Variants in EIF2D observed in about 807,000 individuals in gnomAD.
EIF2D encodes the protein hepatocellular carcinoma-associated antigen 56.
EIF2D carries 56 observed loss-of-function variants against 77.4 expected under a neutral mutation model. That is an observed-to-expected ratio of 0.72 (90% CI 0.58 to 0.90). The LOEUF is 0.90. Among genes scored for constraint, EIF2D ranks in the 40% least tolerant of loss-of-function variants. The pLI is 0.00. For synonymous variants in EIF2D, 230 were observed against 271.0 expected, an observed-to-expected ratio of 0.85 and a Z score of 1.49; for missense variants, 574 against 706.5, an observed-to-expected ratio of 0.81 and a Z score of 2.13.
intron 5 of EIF2D, chr1:206,605,149 C>T: frequency 8.5e-6 from 3 of 353,178 alleles, no homozygotes; most frequent in Non-Finnish European, 1.6e-5. Context: ...AGAGGCAGAG[C>T]AGATGATCCC....
intron 2 of EIF2D, among the ~76,000 whole-genome samples, chr1:206,582,729 C>T (rs782151942): frequency 2.0e-5 from 3 of 152,198 alleles, no homozygotes; most frequent in Non-Finnish European, 4.4e-5. Context: ...GGACTGGTCT[C>T]TATGTGTCCT....
intron 12 of EIF2D, 120 bp from the exon 13 acceptor site, chr1:206,595,958 C>A: frequency 7.5e-7 from 1 of 1,331,578 alleles, no homozygotes; most frequent in Non-Finnish European, 1.0e-6. Flanking sequence ...CTTGGCTGCA[C>A]ATTAGAATCA....
Position 206,599,636 on chromosome 1 carries a change from A to T in EIF2D, c.1053-24T>A, listed in dbSNP as rs1669823191. 4 of 1,601,474 alleles carry T rather than the reference A, an allele frequency of 2.5e-6. No individual in the cohort carries two copies. Among genetic ancestry groups the T allele is most frequent in the Non-Finnish European group, 3.4e-6 (4 of 1,174,118 alleles). The stretch of plus-strand genomic sequence containing the variant: ...TCCTAAAACCCAGCAGAAGGAAAGA[A>T]AAAACACATTTTATACTAGCATCTC... On this transcript the variant is annotated intron_variant, in intron 9 of 14. Coordinates refer to ENST00000271764, the MANE Select transcript of EIF2D (RefSeq NM_006893.3). The surrounding 1 kb of genome is among the most constrained non-coding windows in gnomAD (Gnocchi z 4.1).
At chr1:206,569,609 T>C (rs1369610077), downstream of EIF2D, among the ~76,000 whole-genome samples, 1 of 152,206 alleles carries the variant, frequency 6.6e-6, no homozygotes, top group Non-Finnish European at 1.5e-5. Flanking sequence ...CATCTCAAAT[T>C]ATGTCAAAGT....
At position 206,584,666 on chromosome 1, in the gene EIF2D, A is replaced by G; in HGVS notation, c.139-3504T>C. On this transcript the variant is annotated intron_variant and NMD_transcript_variant, in intron 2 of 5. Coordinates refer to the EIF2D transcript ENST00000472709. The surrounding 1 kb of genome is among the most constrained non-coding windows in gnomAD (Gnocchi z 4.9). ...CCAGAAGTTTGCACTTTTTAAGCGG[A>G]TACACAAGGACGGACAAGGTAGGAG... is the stretch of plus-strand genomic sequence containing the variant. 1 of 1,614,214 alleles carries G rather than the reference A, an allele frequency of 6.2e-7. No homozygotes were observed. Among genetic ancestry groups the G allele is most frequent in the Non-Finnish European group, 8.5e-7 (1 of 1,180,038 alleles).
chr1:206,590,724 C>T (rs148257779), downstream of EIF2D, among the ~76,000 whole-genome samples: 30 of 152,260 alleles, frequency 2.0e-4, no homozygotes, highest in African/African-American at 6.3e-4. Context: ...AAGCCTCAAA[C>T]GGGCAATTTG....
intron 1 of EIF2D, 36 bp from the exon 2 acceptor site, chr1:206,611,410 G>T: frequency 6.4e-7 from 1 of 1,553,008 alleles, no homozygotes; most frequent in South Asian, 1.2e-5. Context: ...AATGCTGCCT[G>T]GACAGACTTT....
downstream of EIF2D, chr1:206,589,414 C>T (rs1669270428): frequency 6.6e-6 from 1 of 152,370 alleles, no homozygotes; most frequent in Non-Finnish European, 1.5e-5. Context: ...GAAATGAAGG[C>T]TACTGTTCAA....
chr1:206,573,203 G>A (rs982898830), intron 4 of EIF2D, among the ~76,000 whole-genome samples: 5 of 152,198 alleles, frequency 3.3e-5, no homozygotes, highest in African/African-American at 9.7e-5. Context: ...GCTCATGCCT[G>A]TAATCCCAGC....
At chr1:206,576,978 A>T (rs1338042823) in intron 4 of EIF2D, among the ~76,000 whole-genome samples, 2 of 145,270 alleles carry the variant, frequency 1.4e-5, no homozygotes, top group East Asian at 4.0e-4. Flanking sequence ...TAATTTTTGT[A>T]TTTTTTTTTT....
At position 206,579,522 on chromosome 1, in the gene EIF2D, T is replaced by C. The variant is rs1430751541; in HGVS notation, c.*254+1170A>G. 3.9e-5 allele frequency among the ~76,000 whole-genome samples: 6 copies of C among 152,148 alleles called. No homozygotes were observed. The highest frequency in any genetic ancestry group is 3.9e-4 in the Admixed American group (6 of 15,278). ...CAGATAGTGCCTGTTAGGTAAACCT[T>C]TGGGGTGTTTGTGTGTTTCTTGGCA... On this transcript the variant is annotated intron_variant and NMD_transcript_variant, in intron 4 of 5. Transcript: ENST00000472709. This position sits in a 1 kb window ranked among gnomAD's most constrained non-coding sequence, Gnocchi z 4.2.
downstream of EIF2D, among the ~76,000 whole-genome samples, chr1:206,590,013 T>C (rs558312145): frequency 6.6e-6 from 1 of 152,374 alleles, no homozygotes; most frequent in Admixed American, 6.5e-5. Flanking sequence ...CTGCTTTTCA[T>C]TGAATCTCAT....
downstream of EIF2D, among the ~76,000 whole-genome samples, chr1:206,591,145 T>G (rs1393721670): frequency 6.6e-6 from 1 of 152,216 alleles, no homozygotes; most frequent in Non-Finnish European, 1.5e-5. Flanking sequence ...GACTCTTCAC[T>G]GTAACAAAGC....
downstream of EIF2D, chr1:206,586,924 G>A: frequency 6.2e-7 from 1 of 1,614,226 alleles, no homozygotes; most frequent in Non-Finnish European, 8.5e-7. Flanking sequence ...AGTATGACAA[G>A]TTTAGGCAGA....
Position 206,584,709 on chromosome 1 carries a change from A to G in EIF2D, c.139-3547T>C. On this transcript the variant is annotated intron_variant and NMD_transcript_variant, in intron 2 of 5. Transcript: ENST00000472709. The surrounding 1 kb of genome is among the most constrained non-coding windows in gnomAD (Gnocchi z 4.9). ...GGTAGGAGAAAGAGTGAACCCAACC[A>G]GACCGTTCCCTTCCTACCTGTGTCC... 1.2e-6 allele frequency: 2 copies of G among 1,613,594 alleles called. No homozygotes were observed. Among genetic ancestry groups the G allele is most frequent in the Non-Finnish European group, 1.7e-6 (2 of 1,179,640 alleles).
chr1:206,585,615 T>G, intron 2 of EIF2D: 1 of 219,018 alleles, frequency 4.6e-6, no homozygotes, highest in Non-Finnish European at 9.2e-6. Context: ...CTGTTTTTGC[T>G]TCAAAATGGC....
At chr1:206,582,685 T>C (rs1205915700) in intron 2 of EIF2D, among the ~76,000 whole-genome samples, 1 of 152,230 alleles carries the variant, frequency 6.6e-6, no homozygotes, top group African/African-American at 2.4e-5. Context: ...CTTCTTGCTA[T>C]GTGAAAAGCA....
In EIF2D at chr1:206,584,768, G is replaced by A. The variant is rs1553407245; in HGVS notation, c.139-3606C>T. 5.6e-6 allele frequency: 8 copies of A among 1,424,114 alleles called. No individual in the cohort carries two copies. Among genetic ancestry groups the A allele is most frequent in the South Asian group, 1.3e-5 (1 of 79,728 alleles). 88.2% of individuals were successfully genotyped at this position (1,424,114 alleles called of 1,614,324 possible). A position where few individuals can be genotyped will look rare whatever the true frequency, so the allele number is the denominator to read the frequency against. On this transcript the variant is annotated intron_variant and NMD_transcript_variant, in intron 2 of 5. Coordinates refer to the EIF2D transcript ENST00000472709. The surrounding 1 kb of genome is among the most constrained non-coding windows in gnomAD (Gnocchi z 4.9). The stretch of plus-strand genomic sequence containing the variant: ...CCACTAAAACTCCTGCCGGCCTTGG[G>A]TGGGAGCTGTGGGCTTCTCCTGAGC...
downstream of EIF2D, chr1:206,586,803 C>T: frequency 6.3e-7 from 1 of 1,597,628 alleles, no homozygotes; most frequent in Non-Finnish European, 8.6e-7. Context: ...TTTCTTCCCA[C>T]AAATCTCCCT....
Sources: allele counts gnomAD v4.1 joint callset (sites outside exome capture counted in the v4.1 genomes callset), GRCh38; gene constraint gnomAD v4.1.1; non-coding constraint Gnocchi (gnomAD v3.1); transcripts MANE v1.5; gene names NCBI Gene and HGNC (gene_info 2026-07-23, HGNC 2026-07-21).